The following SCYL3 variants were observed in gnomAD, a reference collection of about 807,000 sequenced individuals.
SCYL3 encodes SCY1 like pseudokinase 3.
A neutral mutation model predicts 73.8 loss-of-function variants in SCYL3; 35 were observed. The ratio of observed to expected loss-of-function variants is 0.47; its 90% CI spans 0.36 to 0.63. The LOEUF is 0.63. Among genes scored for constraint, SCYL3 ranks in the 20% least tolerant of loss-of-function variants. The pLI is 0.00. For synonymous variants in SCYL3, 277 were observed against 295.2 expected, an observed-to-expected ratio of 0.94 and a Z score of 0.63; for missense variants, 712 against 798.9, an observed-to-expected ratio of 0.89 and a Z score of 1.31.
chr1:169,857,815 A>AGATG (rs1659307072), intron 11 of SCYL3, among the ~76,000 whole-genome samples: 1 of 152,206 alleles, frequency 6.6e-6, no homozygotes, highest in South Asian at 2.1e-4. Context: ...GTATAAACAT[A>AGATG]GATGGTATAG....
At position 169,850,906 on chromosome 1, in the gene SCYL3, A is replaced by C. The variant is rs187313266; in HGVS notation, c.*2807T>G. ...CTAAGCTATTAATAATCATAATTAA[A>C]TACACTTGATCACATAATTAGGTAG... On this transcript the variant is annotated 3_prime_UTR_variant, in exon 13 of 13. Transcript: ENST00000367771. 1 of 143,896 alleles carries C rather than the reference A, an allele frequency of 6.9e-6. No individual in the cohort carries two copies. The highest frequency in any genetic ancestry group is 2.6e-5 in the African/African-American group (1 of 37,950). The allele number at this position is 143,896 out of a possible 1,614,324, so 8.9% of individuals were successfully genotyped here.
At chr1:169,864,312 TG>T in intron 9 of SCYL3, 56 bp downstream of exon 9, 1 of 1,604,994 alleles carries the variant, frequency 6.2e-7, no homozygotes. Flanking sequence ...TGCTCAAATA[TG>T]GACTAATAAT....
chr1:169,850,091 T>G lies in SCYL3; in HGVS notation c.*3622A>C. On this transcript the variant is annotated 3_prime_UTR_variant, in exon 13 of 13. Coordinates refer to ENST00000367771, the MANE Select transcript of SCYL3 (RefSeq NM_020423.7). ...CTTACAACACTTGTACAGAAGTTAA[T>G]TTTGTATTATCCTTAGGGACCCTGA... The G allele has an allele frequency of 1.7e-6, 1 of 584,272 alleles. No homozygotes were observed. The highest frequency in any genetic ancestry group is 3.0e-6 in the Non-Finnish European group (1 of 328,968). The allele number at this position is 584,272 out of a possible 1,614,324, so 36.2% of individuals were successfully genotyped here. A position where few individuals can be genotyped will look rare whatever the true frequency, so the allele number is the denominator to read the frequency against.
intron 3 of SCYL3, 23 bp from the exon 4 acceptor site, chr1:169,876,114 G>A: frequency 1.5e-6 from 2 of 1,366,866 alleles, no homozygotes; most frequent in East Asian, 2.5e-5. Flanking sequence ...AAGAACAGAA[G>A]GAAGAGTGCC....
intron 2 of SCYL3, among the ~76,000 whole-genome samples, chr1:169,880,642 A>T (rs1337903129): frequency 6.6e-6 from 1 of 152,108 alleles, no homozygotes; most frequent in African/African-American, 2.4e-5. Flanking sequence ...CCTGCTATAT[A>T]AAAAATGCTC....
Position 169,851,621 on chromosome 1 carries a change from T to C in SCYL3, c.*2092A>G. 1.5e-6 allele frequency: 1 copy of C among 660,780 alleles called. No individual in the cohort carries two copies. The highest frequency in any genetic ancestry group is 2.5e-6 in the Non-Finnish European group (1 of 399,630). The allele number at this position is 660,780 out of a possible 1,614,324, so 40.9% of individuals were successfully genotyped here. On this transcript the variant is annotated 3_prime_UTR_variant, in exon 13 of 13. Transcript: ENST00000367771. ...TTTCCTGCAAAGACAACTCTATAAC[T>C]AACTATTTTGTAAGGAAGAACACAG...
chr1:169,870,915 T>C (rs1265565299), intron 5 of SCYL3, among the ~76,000 whole-genome samples: 1 of 152,226 alleles, frequency 6.6e-6, no homozygotes, highest in Admixed American at 6.5e-5. Context: ...GTTGAGTTCA[T>C]ATTTCCTGTA....
intron 4 of SCYL3, among the ~76,000 whole-genome samples, chr1:169,874,613 A>G (rs1031142693): frequency 2.0e-5 from 3 of 152,202 alleles, no homozygotes; most frequent in Non-Finnish European, 2.9e-5. Context: ...ACAAGATGTA[A>G]CCAGACTATA....
rs1388978451 is a variant in SCYL3 at position 169,852,551 on chromosome 1, CTTG to C, written c.*1159_*1161del. The C allele has an allele frequency of 1.2e-5, 6 of 520,966 alleles. No individual in the cohort carries two copies. The highest frequency in any genetic ancestry group is 2.5e-5 in the South Asian group (1 of 39,516). The allele number at this position is 520,966 out of a possible 1,614,324, so 32.3% of individuals were successfully genotyped here. A position where few individuals can be genotyped will look rare whatever the true frequency, so the allele number is the denominator to read the frequency against. ...ATTGGGAGCCCTTTGGGACAGGATA[CTTG>C]TTGTATACCACATACAAACTAAGAC... On this transcript the variant is annotated 3_prime_UTR_variant, in exon 13 of 13. Coordinates refer to ENST00000367771, the MANE Select transcript of SCYL3 (RefSeq NM_020423.7).
chr1:169,883,737 G>C (rs1472934296), intron 2 of SCYL3, among the ~76,000 whole-genome samples: 1 of 55,054 alleles, frequency 1.8e-5, no homozygotes, highest in African/African-American at 7.3e-5. Context: ...TTTTTTTTTT[G>C]AGACAGAGTC....
chr1:169,883,514 T>C (rs1169193587), intron 2 of SCYL3, among the ~76,000 whole-genome samples: 1 of 152,202 alleles, frequency 6.6e-6, no homozygotes, highest in African/African-American at 2.4e-5. Flanking sequence ...ATTTGGAAGA[T>C]AACCCTCAAT....
chr1:169,858,146 T>C (rs1020108912), intron 11 of SCYL3, among the ~76,000 whole-genome samples: 2 of 152,260 alleles, frequency 1.3e-5, no homozygotes, highest in Non-Finnish European at 2.9e-5. Flanking sequence ...AACTTTTTAA[T>C]GTTTTTAACT....
intron 2 of SCYL3, among the ~76,000 whole-genome samples, chr1:169,883,184 G>A (rs572469283): frequency 4.7e-4 from 72 of 152,226 alleles, no homozygotes; most frequent in Non-Finnish European, 6.8e-4. Context: ...AACACTCACC[G>A]CGAGGGTCCG....
intron 11 of SCYL3, among the ~76,000 whole-genome samples, chr1:169,857,830 T>C (rs2179396): frequency 0.7 from 106,785 of 152,056 alleles, 37,684 homozygotes; most frequent in Middle Eastern, 0.85. Flanking sequence ...GTATAGCCTA[T>C]TAACACCTAG....
rs138963931 is a variant in SCYL3 at position 169,850,035 on chromosome 1, C to T, written c.*3678G>A. 1,660 of 546,320 alleles carry T rather than the reference C, an allele frequency of 3.0e-3. 27 individuals are homozygous for T. The East Asian group carries it at 0.041, about 13-fold the overall frequency. The allele number at this position is 546,320 out of a possible 1,614,324, so 33.8% of individuals were successfully genotyped here. A position where few individuals can be genotyped will look rare whatever the true frequency, so the allele number is the denominator to read the frequency against. On this transcript the variant is annotated 3_prime_UTR_variant, in exon 13 of 13. Coordinates refer to ENST00000367771, the MANE Select transcript of SCYL3 (RefSeq NM_020423.7). ...CTATGATCATAAGGGAGTCCAGAAG[C>T]ATTAGTATGACCCAGCAGAAGTAAT...
At chr1:169,863,059 C>G (rs988393502) in intron 9 of SCYL3, among the ~76,000 whole-genome samples, 2 of 152,000 alleles carry the variant, frequency 1.3e-5, no homozygotes, top group African/African-American at 2.4e-5. Flanking sequence ...ATTACAGGCA[C>G]CCGCCACCAT....
intron 9 of SCYL3, among the ~76,000 whole-genome samples, chr1:169,863,421 G>T (rs1001938360): frequency 2.6e-5 from 4 of 152,074 alleles, no homozygotes; most frequent in Non-Finnish European, 5.9e-5. Context: ...TCATACACTA[G>T]ATTTGTGACA....
chr1:169,865,905 A>G (rs898241748), intron 8 of SCYL3, among the ~76,000 whole-genome samples: 5 of 152,044 alleles, frequency 3.3e-5, no homozygotes, highest in Admixed American at 6.6e-5. Flanking sequence ...CAGCCCCCTT[A>G]TAAGGTCGGG....
chr1:169,868,282 CT>C (rs1484941375), intron 7 of SCYL3, among the ~76,000 whole-genome samples: 1 of 152,126 alleles, frequency 6.6e-6, no homozygotes, highest in Non-Finnish European at 1.5e-5. Context: ...AGTTTTAAAA[CT>C]AACATAAGGT....
Sources: gnomAD v4.1 joint callset for allele counts (sites outside exome capture counted in the v4.1 genomes callset) on GRCh38, gnomAD v4.1.1 for gene constraint, MANE v1.5 for transcripts, NCBI Gene and HGNC (gene_info 2026-07-23, HGNC 2026-07-21) for gene names.